IGFL2: variants seen among roughly 807,000 people sequenced by gnomAD.
The protein encoded by IGFL2 is insulin growth factor-like family member 2.
A neutral mutation model predicts 13.9 loss-of-function variants in IGFL2; 7 were observed. The ratio of observed to expected loss-of-function variants is 0.51; its 90% confidence interval spans 0.29 to 0.95. The LOEUF (loss-of-function observed/expected upper bound fraction) is 0.95, where lower values mean the gene tolerates loss of function less well. Ranked by LOEUF, IGFL2 falls within the 40% of genes least tolerant of loss-of-function variation. The pLI, the probability that IGFL2 is intolerant of heterozygous loss-of-function variation, is 0.08. For missense variants in IGFL2, 138 were observed against 147.8 expected (o/e 0.93, Z 0.34); for synonymous variants, 55 against 55.8 (o/e 0.99, Z 0.07).
the IGFL2 span, chr19:46,120,188 G>T: frequency 8.3e-7 from 1 of 1,200,332 alleles, no homozygotes; most frequent in Non-Finnish European, 1.1e-6. Flanking sequence ...ATCCCCAGCT[G>T]GGCTCCTCTC....
the IGFL2 span, chr19:46,179,523 G>A: frequency 6.6e-6 from 1 of 152,560 alleles, no homozygotes; most frequent in African/African-American, 2.4e-5. Context: ...TGCTCAGTCA[G>A]GCTTCACATC....
the IGFL2 span, among the ~76,000 whole-genome samples, chr19:46,183,874 T>C: frequency 6.6e-6 from 1 of 152,126 alleles, no homozygotes; most frequent in Non-Finnish European, 1.5e-5. Context: ...TGTCTTTCGC[T>C]TCTCTACTAA....
At chr19:46,144,198 G>C (rs1410933883), upstream of IGFL2, among the ~76,000 whole-genome samples, 1 of 152,210 alleles carries the variant, frequency 6.6e-6, no homozygotes, top group African/African-American at 2.4e-5. Flanking sequence ...GAATATGGCT[G>C]TGTTCCAGTA....
chr19:46,085,110 G>A, the IGFL2 span, among the ~76,000 whole-genome samples: 2,052 of 152,252 alleles, frequency 0.013, 32 homozygotes, highest in Middle Eastern at 0.027. Flanking sequence ...AGGGGCTACA[G>A]GCCCCAATGC....
the IGFL2 span, among the ~76,000 whole-genome samples, chr19:46,174,614 A>G: frequency 6.6e-6 from 1 of 152,168 alleles, no homozygotes; most frequent in African/African-American, 2.4e-5. Context: ...TAATAAATGT[A>G]TGAGGAGTGG....
intron 1 of IGFL2, among the ~76,000 whole-genome samples, chr19:46,156,867 TC>T (rs1382288161): frequency 6.6e-6 from 1 of 152,014 alleles, no homozygotes; most frequent in African/African-American, 2.4e-5. Context: ...TTTGAAAAGA[TC>T]AATAATCTTT....
At chr19:46,170,861 A>G in the IGFL2 span, among the ~76,000 whole-genome samples, 1 of 152,190 alleles carries the variant, frequency 6.6e-6, no homozygotes, top group South Asian at 2.1e-4. Flanking sequence ...TAAGATGTTT[A>G]TCAATGACAA....
At chr19:46,179,784 T>C in the IGFL2 span, among the ~76,000 whole-genome samples, 1 of 152,016 alleles carries the variant, frequency 6.6e-6, no homozygotes, top group Admixed American at 6.5e-5. Flanking sequence ...GGAGTGTTGG[T>C]GCATGCCTGT....
chr19:46,188,941 G>A, the IGFL2 span, among the ~76,000 whole-genome samples: 3 of 152,222 alleles, frequency 2.0e-5, no homozygotes, highest in East Asian at 3.9e-4. Flanking sequence ...GTCCTGGGAT[G>A]TAGGGACCAG....
rs368601801 is a variant in IGFL2 at position 46,148,975 on chromosome 19, G to T, written c.19+678G>T. Reference sequence around the variant, plus strand: ...TGCCTGGAGTTCCTGGGCTCTCAGCGCCAGGAAATCATGAGGTTCAGTGTC... The same window carrying T: ...TGCCTGGAGTTCCTGGGCTCTCAGCTCCAGGAAATCATGAGGTTCAGTGTC... On this transcript the variant is annotated intron_variant, in intron 1 of 3. Transcript: ENST00000377693. 1.3e-5 allele frequency: 20 copies of T among 1,593,264 alleles called. No individual in the cohort carries two copies. The African/African-American group carries it at 2.6e-4, about 20-fold the overall frequency.
the IGFL2 span, among the ~76,000 whole-genome samples, chr19:46,171,106 A>AG: frequency 1.3e-5 from 2 of 152,104 alleles, no homozygotes; most frequent in African/African-American, 4.8e-5. Context: ...TTTATGGCTC[A>AG]GGGGGCATCA....
At chr19:46,156,259 C>G (rs2341903) in intron 1 of IGFL2, among the ~76,000 whole-genome samples, 10 of 152,204 alleles carry the variant, frequency 6.6e-5, no homozygotes, top group Non-Finnish European at 7.3e-5. Context: ...AAGCATAAAC[C>G]TGGTATGTTT....
At chr19:46,182,664 G>A in the IGFL2 span, among the ~76,000 whole-genome samples, 2 of 152,120 alleles carry the variant, frequency 1.3e-5, no homozygotes, top group Non-Finnish European at 2.9e-5. Flanking sequence ...TTTCTTTCTC[G>A]ATGCACGTGT....
chr19:46,188,417 C>G, the IGFL2 span, among the ~76,000 whole-genome samples: 1 of 152,114 alleles, frequency 6.6e-6, no homozygotes, highest in Admixed American at 6.5e-5. Context: ...TGTGACCGCC[C>G]CCCCCACTCT....
the IGFL2 span, among the ~76,000 whole-genome samples, chr19:46,169,463 G>C: frequency 1.3e-5 from 2 of 152,188 alleles, no homozygotes; most frequent in Non-Finnish European, 2.9e-5. Flanking sequence ...GAGAGAGAGA[G>C]TGAATAGATG....
the IGFL2 span, among the ~76,000 whole-genome samples, chr19:46,171,356 G>C: frequency 0.52 from 79,739 of 151,908 alleles, 21,476 homozygotes; most frequent in Middle Eastern, 0.63. Flanking sequence ...TATTCAAGAC[G>C]AGATTATGGG....
chr19:46,174,478 G>GGC, the IGFL2 span, among the ~76,000 whole-genome samples: 1 of 152,208 alleles, frequency 6.6e-6, no homozygotes, highest in African/African-American at 2.4e-5. Context: ...GGGAAAGAAA[G>GGC]AAGTGGCTGG....
chr19:46,160,595 T>G lies in IGFL2; in HGVS notation c.74-19T>G. On this transcript the variant is annotated intron_variant, in intron 2 of 3. Coordinates refer to ENST00000377693, the MANE Select transcript of IGFL2 (RefSeq NM_001135113.2). Reference sequence around the variant, plus strand: ...GTTATCCTTGAGCTCACACCAACAATGTCTGTCCATCTGTCCAGCTCCCGC... The same window carrying G: ...GTTATCCTTGAGCTCACACCAACAAGGTCTGTCCATCTGTCCAGCTCCCGC... The G allele has an allele frequency of 6.2e-7, 1 of 1,613,896 alleles. No homozygotes were observed. Among genetic ancestry groups the G allele is most frequent in the African/African-American group, 1.3e-5 (1 of 75,048 alleles).
chr19:46,112,962 T>C, the IGFL2 span: 4 of 152,204 alleles, frequency 2.6e-5, no homozygotes, highest in African/African-American at 4.8e-5. Context: ...TTAATACCAA[T>C]TGAAATACAA....
Sources: gnomAD v4.1 joint callset for allele counts (sites outside exome capture counted in the v4.1 genomes callset) on GRCh38, gnomAD v4.1.1 for gene constraint, MANE v1.5 for transcripts, NCBI Gene and HGNC (gene_info 2026-07-23, HGNC 2026-07-21) for gene names.